Variants in KIF5C observed in about 807,000 individuals in gnomAD.
The protein encoded by KIF5C is kinesin family member 5C.
In KIF5C, 18 loss-of-function variants were observed where a neutral mutation model predicts 125.2. That is an observed-to-expected ratio of 0.14 (90% CI 0.10 to 0.21). The LOEUF (loss-of-function observed/expected upper bound fraction) is 0.21, where lower values mean the gene tolerates loss of function less well. KIF5C is among the 10% of genes least tolerant of loss of function. The pLI is 1.00. For missense variants in KIF5C, 780 were observed against 1,183.8 expected (o/e 0.66, Z 5.01); for synonymous variants, 405 against 434.0 (o/e 0.93, Z 0.83).
intron 5 of KIF5C, 127 bp downstream of exon 5, chr2:148,941,785 GTATA>G: frequency 6.9e-7 from 1 of 1,453,196 alleles, no homozygotes; most frequent in African/African-American, 1.4e-5. Flanking sequence ...TGCCTTCAGG[GTATA>G]TGTTTATTCT....
chr2:148,898,594 G>A (rs951300681), intron 1 of KIF5C, among the ~76,000 whole-genome samples: 2 of 152,116 alleles, frequency 1.3e-5, no homozygotes, highest in Non-Finnish European at 2.9e-5. Context: ...GAGACTTGAC[G>A]GGCCATTACT....
At chr2:148,965,253 C>A (rs1412348238) in intron 11 of KIF5C, among the ~76,000 whole-genome samples, 2 of 148,114 alleles carry the variant, frequency 1.4e-5, no homozygotes, top group African/African-American at 5.1e-5. Flanking sequence ...GAGTTGGAGT[C>A]ATCAGTCTTT....
chr2:148,905,261 A>C (rs2105060677), intron 1 of KIF5C, among the ~76,000 whole-genome samples: 1 of 152,356 alleles, frequency 6.6e-6, no homozygotes, highest in South Asian at 2.1e-4. Context: ...GTGCCACCCA[A>C]ATCCCTGAGT....
chr2:149,026,433 ATACATGTCTAGTTTGT>A lies in KIF5C; in HGVS notation c.*3364_*3379del. 1 of 152,364 alleles carries A rather than the reference ATACATGTCTAGTTTGT, an allele frequency of 6.6e-6. No homozygotes were observed. Among genetic ancestry groups the A allele is most frequent in the Middle Eastern group, 3.4e-3 (1 of 294 alleles). 9.4% of individuals were successfully genotyped at this position (152,364 alleles called of 1,614,324 possible). A position where few individuals can be genotyped will look rare whatever the true frequency, so the allele number is the denominator to read the frequency against. ...GGGGAATAGGGCATTCTGTAGAATT[ATACATGTCTAGTTTGT>A]AAAGTGTGTCCTGTGTACTGCAGAT... is the stretch of plus-strand genomic sequence containing the variant. On this transcript the variant is annotated 3_prime_UTR_variant, in exon 26 of 26. Transcript: ENST00000435030.
intron 25 of KIF5C, among the ~76,000 whole-genome samples, chr2:149,012,805 G>A (rs1682251142): frequency 6.6e-6 from 1 of 152,260 alleles, no homozygotes; most frequent in East Asian, 1.9e-4. Context: ...ATGGGAAATG[G>A]TCTTGGCGGT....
rs1041368299 is a variant in KIF5C, at chr2:149,024,754, A to T, written c.*1684A>T. The T allele has an allele frequency of 5.9e-5, 9 of 152,574 alleles. No homozygotes were observed. Among genetic ancestry groups the T allele is most frequent in the African/African-American group, 2.2e-4 (9 of 41,422 alleles). The allele number at this position is 152,574 out of a possible 1,614,324, so 9.5% of individuals were successfully genotyped here. A position where few individuals can be genotyped will look rare whatever the true frequency, so the allele number is the denominator to read the frequency against. On this transcript the variant is annotated 3_prime_UTR_variant, in exon 26 of 26. Coordinates refer to ENST00000435030, the MANE Select transcript of KIF5C (RefSeq NM_004522.3). ...CTATTGAAGTATTTATTTTGTGAAG[A>T]TGGCAATTTTGCATTTGTTTAAATT... is the stretch of plus-strand genomic sequence containing the variant.
intron 5 of KIF5C, 62 bp downstream of exon 5, chr2:148,941,720 T>G: frequency 6.5e-7 from 1 of 1,538,346 alleles, no homozygotes. Context: ...GAGGTTGAAA[T>G]GGTTTATCAC....
intron 15 of KIF5C, among the ~76,000 whole-genome samples, chr2:148,986,985 A>G (rs150459415): frequency 6.6e-6 from 1 of 152,340 alleles, no homozygotes; most frequent in East Asian, 1.9e-4. Context: ...TGAACTGTCA[A>G]CAGAAGTATG....
At chr2:148,911,365 G>T (rs1681330026) in intron 1 of KIF5C, among the ~76,000 whole-genome samples, 1 of 152,160 alleles carries the variant, frequency 6.6e-6, no homozygotes, top group African/African-American at 2.4e-5. Context: ...ATCCAGGGGG[G>T]CTGCTGAGCA....
chr2:148,940,032 C>T (rs1454513514), intron 4 of KIF5C, among the ~76,000 whole-genome samples: 1 of 151,910 alleles, frequency 6.6e-6, no homozygotes, highest in African/African-American at 2.4e-5. Context: ...TAGTTTGTGA[C>T]TTTTTTTTAG....
chr2:148,885,535 C>T (rs1558871609), intron 1 of KIF5C: 1 of 152,326 alleles, frequency 6.6e-6, no homozygotes, highest in East Asian at 1.9e-4. Flanking sequence ...TGCATATTAC[C>T]TTTTCCGCCA....
At chr2:148,963,055 T>C (rs1483447791) in intron 11 of KIF5C, among the ~76,000 whole-genome samples, 1 of 147,018 alleles carries the variant, frequency 6.8e-6, no homozygotes, top group Non-Finnish European at 1.5e-5. Flanking sequence ...ATGCAGTGGG[T>C]GGGTGGGTTG....
chr2:149,006,677 G>A (rs1348699022), intron 22 of KIF5C, among the ~76,000 whole-genome samples: 1 of 152,182 alleles, frequency 6.6e-6, no homozygotes, highest in East Asian at 1.9e-4. Flanking sequence ...AAATAAAGAA[G>A]GCAGAAAATG....
rs1432953705 is a variant in KIF5C at position 148,981,407 on chromosome 2, G to A, written c.1415G>A (p.Arg472His). 5.0e-6 allele frequency: 8 copies of A among 1,611,106 alleles called. No homozygotes were observed. The highest frequency in any genetic ancestry group is 1.3e-5 in the African/African-American group (1 of 74,876). ...GAGAAGATACAGGAGGAGCTGACAC[G>A]TCTCCAGATTGAAAATGAGGCAGCC... is the stretch of plus-strand genomic sequence containing the variant. ...DYEKIQEELT[R>H]LQIENEAAKD... The change falls in exon 14 of 26, where the codon CGT becomes CAT. Residue 472 changes from arginine (R) to histidine (H), a missense_variant. Arg to His is a conservative substitution (Grantham distance 29). Transcript: ENST00000435030.
chr2:148,949,174 A>C (rs1682596422), intron 8 of KIF5C, among the ~76,000 whole-genome samples: 1 of 152,202 alleles, frequency 6.6e-6, no homozygotes, highest in Non-Finnish European at 1.5e-5. Flanking sequence ...TGTCAAGATG[A>C]AATTACCAGC....
At chr2:148,888,126 C>T (rs1367710261) in intron 1 of KIF5C, among the ~76,000 whole-genome samples, 1 of 152,208 alleles carries the variant, frequency 6.6e-6, no homozygotes, top group Non-Finnish European at 1.5e-5. Flanking sequence ...AGGTGGCATG[C>T]TGCCTGCCGC....
intron 1 of KIF5C, among the ~76,000 whole-genome samples, chr2:148,906,526 C>A (rs1325412534): frequency 7.9e-5 from 12 of 151,692 alleles, no homozygotes; most frequent in African/African-American, 2.7e-4. Context: ...TTGAGACCAG[C>A]CTGGGCAACA....
At chr2:148,933,523 C>G (rs1388443423) in intron 3 of KIF5C, among the ~76,000 whole-genome samples, 3 of 151,576 alleles carry the variant, frequency 2.0e-5, no homozygotes, top group African/African-American at 2.4e-5. Flanking sequence ...ACACACCACA[C>G]ACCACATACC....
At chr2:148,926,521 T>C (rs1021149019) in intron 2 of KIF5C, among the ~76,000 whole-genome samples, 9 of 152,348 alleles carry the variant, frequency 5.9e-5, no homozygotes, top group African/African-American at 2.2e-4. Context: ...TGGGCGCTTC[T>C]GTGGGAGTCG....
Sources: allele counts gnomAD v4.1 joint callset (sites outside exome capture counted in the v4.1 genomes callset), GRCh38; gene constraint gnomAD v4.1.1; transcripts MANE v1.5; gene names NCBI Gene and HGNC (gene_info 2026-07-23, HGNC 2026-07-21).